SHROOM3: variants seen among roughly 807,000 people sequenced by gnomAD.
SHROOM3 encodes the protein shroom family member 3.
SHROOM3 carries 47 observed loss-of-function variants against 138.6 expected under a neutral mutation model. The observed-to-expected ratio is 0.34, with a 90% confidence interval of 0.27 to 0.43. The LOEUF (loss-of-function observed/expected upper bound fraction) is 0.43. Ranked by LOEUF, SHROOM3 falls within the 20% of genes least tolerant of loss-of-function variation. The probability of loss-of-function intolerance (pLI) is 1.00; values close to 1 mark genes in which losing one functional copy is unlikely to be tolerated. For synonymous variants in SHROOM3, 1,062 were observed against 1,063.3 expected, an observed-to-expected ratio of 1.00 and a Z score of 0.02; for missense variants, 2,491 against 2,596.5, an observed-to-expected ratio of 0.96 and a Z score of 0.88.
chr4:76,600,011 T>C (rs1165518045), intron 2 of SHROOM3, among the ~76,000 whole-genome samples: 1 of 151,718 alleles, frequency 6.6e-6, no homozygotes, highest in East Asian at 1.9e-4. Flanking sequence ...ATTAGCCAGG[T>C]GTGGTGGCAC....
At chr4:76,570,373 T>C (rs1733810494) in intron 2 of SHROOM3, among the ~76,000 whole-genome samples, 1 of 152,120 alleles carries the variant, frequency 6.6e-6, no homozygotes, top group African/African-American at 2.4e-5. Context: ...CCAACATCAG[T>C]CTGTGGGAAC....
intron 2 of SHROOM3, among the ~76,000 whole-genome samples, chr4:76,687,570 T>C (rs1170288958): frequency 6.6e-6 from 1 of 152,240 alleles, no homozygotes; most frequent in East Asian, 1.9e-4. Context: ...TAGCATAATT[T>C]TGTATTGTTG....
chr4:76,542,025 C>G lies in SHROOM3; in HGVS notation c.169-13584C>G, dbSNP rs935113360. Among the ~76,000 whole-genome samples, 12 of 110,966 alleles carry G rather than the reference C, an allele frequency of 1.1e-4. No homozygotes were observed. The East Asian group carries it at 1.4e-3, about 13-fold the overall frequency. The allele number at this position is 110,966 out of a possible 152,430, so 72.8% of individuals were successfully genotyped here. A position where few individuals can be genotyped will look rare whatever the true frequency, so the allele number is the denominator to read the frequency against. On this transcript the variant is annotated intron_variant, in intron 1 of 10. Transcript: ENST00000296043. ...TGTGTTATTTCATTTCCTACCTCCC[C>G]CTACAAACAATTGTGATGAGGAGGA... is the stretch of plus-strand genomic sequence containing the variant.
intron 2 of SHROOM3, chr4:76,709,715 A>G: frequency 3.8e-6 from 1 of 260,280 alleles, no homozygotes; most frequent in Non-Finnish European, 7.5e-6. Flanking sequence ...ACACTTGGAG[A>G]TCCCGCTCCT....
rs1463134026 is a variant in SHROOM3 at position 76,657,437 on chromosome 4, C to T, written c.324-52719C>T. ...TGTGACTTTTCCTCCTGGTAAATGA[C>T]ATATACACTCATTTATAGCCATTCA... On this transcript the variant is annotated intron_variant, in intron 2 of 10. Coordinates refer to ENST00000296043, the MANE Select transcript of SHROOM3 (RefSeq NM_020859.4). Among the ~76,000 whole-genome samples the T allele has an allele frequency of 2.0e-5, 3 of 152,192 alleles. No homozygotes were observed. The East Asian group carries it at 5.8e-4, about 29-fold the overall frequency.
At chr4:76,631,946 C>G (rs1026084473) in intron 2 of SHROOM3, among the ~76,000 whole-genome samples, 1 of 152,014 alleles carries the variant, frequency 6.6e-6, no homozygotes, top group African/African-American at 2.4e-5. Context: ...TGGGACTGAT[C>G]GGATCAACTG....
At chr4:76,594,485 G>A (rs145051489) in intron 2 of SHROOM3, among the ~76,000 whole-genome samples, 28 of 152,130 alleles carry the variant, frequency 1.8e-4, no homozygotes, top group African/African-American at 3.4e-4. Context: ...GTATGTAATC[G>A]CAGGATGTCA....
chr4:76,765,943 T>TA (rs1162513810), intron 9 of SHROOM3, among the ~76,000 whole-genome samples: 1 of 152,240 alleles, frequency 6.6e-6, no homozygotes, highest in African/African-American at 2.4e-5. Flanking sequence ...TTATTTCTGT[T>TA]ATGACTTCTT....
At chr4:76,481,325 C>T (rs1356408226) in intron 1 of SHROOM3, among the ~76,000 whole-genome samples, 1 of 152,038 alleles carries the variant, frequency 6.6e-6, no homozygotes, top group Non-Finnish European at 1.5e-5. Context: ...GAAATGCAAA[C>T]TACCATCAGA....
intron 1 of SHROOM3, among the ~76,000 whole-genome samples, chr4:76,536,440 A>G (rs1276433307): frequency 6.6e-6 from 1 of 152,192 alleles, no homozygotes; most frequent in Non-Finnish European, 1.5e-5. Context: ...ATTTTGTAAT[A>G]GGCATTCATT....
chr4:76,488,221 G>A (rs961991678), intron 1 of SHROOM3, among the ~76,000 whole-genome samples: 10 of 152,158 alleles, frequency 6.6e-5, no homozygotes, highest in Non-Finnish European at 1.3e-4. Context: ...AGGACCATCA[G>A]AAAGATTTTT....
At chr4:76,611,791 A>G (rs1265784085) in intron 2 of SHROOM3, among the ~76,000 whole-genome samples, 1 of 152,174 alleles carries the variant, frequency 6.6e-6, no homozygotes, top group Non-Finnish European at 1.5e-5. Flanking sequence ...ACTTGGGGAG[A>G]CTGCCCGTCA....
chr4:76,759,789 G>A (rs1721936683), intron 9 of SHROOM3, 94 bp downstream of exon 9: 4 of 1,445,890 alleles, frequency 2.8e-6, no homozygotes, highest in East Asian at 2.5e-5. Flanking sequence ...CTTGAGGCAG[G>A]TGGGGAAAGG....
At chr4:76,717,236 G>A (rs1231862820) in intron 3 of SHROOM3, among the ~76,000 whole-genome samples, 1 of 152,144 alleles carries the variant, frequency 6.6e-6, no homozygotes, top group Non-Finnish European at 1.5e-5. Context: ...TATAGGTGAG[G>A]TGTTTTTCCC....
intron 2 of SHROOM3, among the ~76,000 whole-genome samples, chr4:76,580,289 C>G (rs974076223): frequency 5.3e-5 from 8 of 152,146 alleles, no homozygotes; most frequent in African/African-American, 1.9e-4. Context: ...GGAAAAATAC[C>G]CAAAGCTGCT....
chr4:76,755,663 A>C (rs1490543703), intron 7 of SHROOM3, among the ~76,000 whole-genome samples: 5 of 152,214 alleles, frequency 3.3e-5, no homozygotes, highest in Admixed American at 3.3e-4. Context: ...TTAGACACAC[A>C]AATACACATA....
intron 1 of SHROOM3, among the ~76,000 whole-genome samples, chr4:76,505,703 C>G (rs1260542468): frequency 6.7e-6 from 1 of 149,532 alleles, no homozygotes; most frequent in Non-Finnish European, 1.5e-5. Context: ...CTCTGTTGCC[C>G]AGGCTGGAGT....
intron 1 of SHROOM3, among the ~76,000 whole-genome samples, chr4:76,537,901 G>T (rs1278872895): frequency 6.6e-6 from 1 of 152,040 alleles, no homozygotes; most frequent in Non-Finnish European, 1.5e-5. Flanking sequence ...CCATTTAATT[G>T]TACATTTTAT....
At chr4:76,639,740 C>G (rs753480096) in intron 2 of SHROOM3, 96 of 396,024 alleles carry the variant, frequency 2.4e-4, no homozygotes, top group Non-Finnish European at 4.0e-4. Context: ...ACCACTACAG[C>G]GTTACTCTTC....
Sources: allele counts gnomAD v4.1 joint callset (sites outside exome capture counted in the v4.1 genomes callset), GRCh38; gene constraint gnomAD v4.1.1; transcripts MANE v1.5; gene names NCBI Gene and HGNC (gene_info 2026-07-23, HGNC 2026-07-21).